Variants in ADGRL4 observed in about 807,000 individuals in gnomAD.
ADGRL4 encodes EGF, latrophilin and seven transmembrane domain containing 1.
A neutral mutation model predicts 74.8 loss-of-function variants in ADGRL4; 90 were observed. The observed-to-expected ratio is 1.20, with a 90% CI of 1.02 to 1.43. The LOEUF is 1.43. Among genes scored for constraint, ADGRL4 ranks in the 40% most tolerant of loss-of-function variants. The pLI is 0.00. For missense variants in ADGRL4, 881 were observed against 814.3 expected (o/e 1.08, Z -1.00); for synonymous variants, 311 against 279.2 (o/e 1.11, Z -1.14).
chr1:78,932,119 A>G lies in ADGRL4; in HGVS notation c.877+4176T>C, dbSNP rs568892619. Among the ~76,000 whole-genome samples the G allele has an allele frequency of 3.0e-3, 457 of 151,702 alleles. 4 individuals carry two copies. Among genetic ancestry groups the G allele is most frequent in the Admixed American group, 3.8e-3 (58 of 15,284 alleles). Reference sequence around the variant, plus strand: ...AGAACTCTTACCCCCAAATCAACAGAATATGCATTCTTCTCAGTGCCACAT... The same window carrying G: ...AGAACTCTTACCCCCAAATCAACAGGATATGCATTCTTCTCAGTGCCACAT... On this transcript the variant is annotated intron_variant, in intron 7 of 14. Transcript: ENST00000370742.
At chr1:78,959,943 T>C (rs1346540677) in intron 2 of ADGRL4, among the ~76,000 whole-genome samples, 1 of 152,168 alleles carries the variant, frequency 6.6e-6, no homozygotes, top group Admixed American at 6.5e-5. Flanking sequence ...ATATAAAGAA[T>C]AAGCCAAAGC....
intron 10 of ADGRL4, among the ~76,000 whole-genome samples, chr1:78,919,860 A>G (rs562995480): frequency 6.6e-6 from 1 of 152,052 alleles, no homozygotes; most frequent in South Asian, 2.1e-4. Context: ...GTTTATTTCT[A>G]ATTGTTTCTC....
intron 2 of ADGRL4, among the ~76,000 whole-genome samples, chr1:78,998,253 C>CT (rs769714342): frequency 1.1e-3 from 100 of 94,104 alleles, no homozygotes; most frequent in South Asian, 6.4e-3. Flanking sequence ...GATTTCATTG[C>CT]TTTTTTTTTT....
chr1:78,962,724 C>G (rs951278878), intron 2 of ADGRL4, among the ~76,000 whole-genome samples: 5 of 151,998 alleles, frequency 3.3e-5, no homozygotes, highest in African/African-American at 1.2e-4. Flanking sequence ...GAAAAGAATA[C>G]AGAATTTAAC....
intron 7 of ADGRL4, among the ~76,000 whole-genome samples, chr1:78,934,543 A>G (rs1649314256): frequency 6.6e-6 from 1 of 152,234 alleles, no homozygotes; most frequent in Admixed American, 6.5e-5. Context: ...AAAAGCCAAA[A>G]TTGAAAAATG....
intron 12 of ADGRL4, among the ~76,000 whole-genome samples, chr1:78,900,926 A>G (rs1332968697): frequency 6.6e-6 from 1 of 152,098 alleles, no homozygotes; most frequent in South Asian, 2.1e-4. Context: ...TATTTATTTT[A>G]AACTGGATTT....
In ADGRL4 at chr1:78,924,161, G is replaced by A. The variant is rs540183785; in HGVS notation, c.1084-2375C>T. Among the ~76,000 whole-genome samples the A allele has an allele frequency of 2.0e-5, 3 of 152,014 alleles. 1 individual carries two copies. The highest frequency in any genetic ancestry group is 6.6e-5 in the Admixed American group (1 of 15,238). On this transcript the variant is annotated intron_variant, in intron 8 of 14. Coordinates refer to ENST00000370742, the MANE Select transcript of ADGRL4 (RefSeq NM_022159.4). ...CATTCAACTTCTCCAGGTTACCCTT[G>A]AAAGCTGAAAGACATATGAACGAGA... is the stretch of plus-strand genomic sequence containing the variant.
rs752594491 is a variant in ADGRL4 at position 78,939,192 on chromosome 1, G to C, written c.392C>G (p.Thr131Arg). The part of the protein sequence containing the change: ...CIAANINKTL[T>R]KIRSIKEPVA... ...ATTGTTAACTGTTCTACTTACTTTT[G>C]TTAAAGTTTTATTAATATTTGCAGC... is the stretch of plus-strand genomic sequence containing the variant. The change falls in exon 4 of 15, where the codon ACA becomes AGA. Residue 131 changes from threonine to arginine, a missense_variant. Thr to Arg is a moderately conservative substitution (Grantham distance 71). Transcript: ENST00000370742. The C allele has an allele frequency of 1.3e-6, 2 of 1,559,018 alleles. No homozygotes were observed. The highest frequency in any genetic ancestry group is 2.4e-5 in the South Asian group (2 of 82,604).
At chr1:78,974,387 T>C (rs1650237020) in intron 2 of ADGRL4, among the ~76,000 whole-genome samples, 1 of 152,124 alleles carries the variant, frequency 6.6e-6, no homozygotes, top group African/African-American at 2.4e-5. Flanking sequence ...TTTTATAATA[T>C]CTCTTTTAAA....
intron 2 of ADGRL4, among the ~76,000 whole-genome samples, chr1:78,955,068 A>T (rs878859932): frequency 4.6e-5 from 7 of 152,120 alleles, no homozygotes; most frequent in Admixed American, 4.6e-4. Context: ...AAATGTGTAG[A>T]TATTTAGTAA....
chr1:78,963,248 C>T (rs1423246923), intron 2 of ADGRL4, among the ~76,000 whole-genome samples: 1 of 152,164 alleles, frequency 6.6e-6, no homozygotes, highest in Non-Finnish European at 1.5e-5. Context: ...TTCATACATA[C>T]AAATTTTCAT....
At chr1:78,921,410 T>A (rs1648996507) in intron 9 of ADGRL4, among the ~76,000 whole-genome samples, 1 of 147,308 alleles carries the variant, frequency 6.8e-6, no homozygotes, top group African/African-American at 2.5e-5. Context: ...CTAGAAATAA[T>A]CTTAAATGCA....
At chr1:79,006,575 C>A in intron 1 of ADGRL4, 58 bp downstream of exon 1, 1 of 1,530,978 alleles carries the variant, frequency 6.5e-7, no homozygotes, top group Non-Finnish European at 8.8e-7. Flanking sequence ...AAATCCAGTC[C>A]CCTACAAGGG....
chr1:78,891,088 C>T lies in ADGRL4; in HGVS notation c.*66G>A. The T allele has an allele frequency of 3.4e-6, 5 of 1,457,874 alleles. No homozygotes were observed. The highest frequency in any genetic ancestry group is 4.8e-6 in the Non-Finnish European group (5 of 1,039,364). 90.3% of individuals were successfully genotyped at this position (1,457,874 alleles called of 1,614,324 possible). ...GATAATTTGATGAGTCATTTTTATA[C>T]ATTGGTCATCCACAGCTTGGAATTT... On this transcript the variant is annotated 3_prime_UTR_variant, in exon 15 of 15. Coordinates refer to ENST00000370742, the MANE Select transcript of ADGRL4 (RefSeq NM_022159.4).
intron 2 of ADGRL4, among the ~76,000 whole-genome samples, chr1:78,997,852 TG>T (rs1254049864): frequency 1.3e-5 from 2 of 152,210 alleles, no homozygotes; most frequent in African/African-American, 4.8e-5. Context: ...CAGAGTTTTC[TG>T]TAAACGCAGG....
intron 10 of ADGRL4, among the ~76,000 whole-genome samples, chr1:78,919,553 T>G (rs1216920886): frequency 6.6e-6 from 1 of 151,866 alleles, no homozygotes; most frequent in African/African-American, 2.4e-5. Context: ...CTTCTTTTCT[T>G]CCCTCAGGAT....
Position 78,892,734 on chromosome 1 carries a change from T to G in ADGRL4, c.1841+364A>C, listed in dbSNP as rs935614859. 7.9e-5 allele frequency among the ~76,000 whole-genome samples: 12 copies of G among 151,618 alleles called. No homozygotes were observed. In the East Asian group the frequency reaches 2.3e-3, roughly 29 times the overall value. ...ATAAATCAGTTTTAAAGCGGGAGGG[T>G]GGGTGTAAAGGAAAAATCATGACAA... On this transcript the variant is annotated intron_variant, in intron 13 of 14. Transcript: ENST00000370742.
chr1:78,907,178 T>C (rs1018257022), intron 12 of ADGRL4, among the ~76,000 whole-genome samples: 1 of 152,036 alleles, frequency 6.6e-6, no homozygotes, highest in African/African-American at 2.4e-5. Context: ...TAGACTAATA[T>C]ACATAGGTAG....
chr1:78,924,250 G>T (rs1649067779), intron 8 of ADGRL4, among the ~76,000 whole-genome samples: 1 of 151,908 alleles, frequency 6.6e-6, no homozygotes. Flanking sequence ...TAATATAAGG[G>T]TAAGGTAGAA....
Sources: allele counts gnomAD v4.1 joint callset (sites outside exome capture counted in the v4.1 genomes callset), GRCh38; gene constraint gnomAD v4.1.1; transcripts MANE v1.5; gene names NCBI Gene and HGNC (gene_info 2026-07-23, HGNC 2026-07-21).